Variants in B4GALT4 observed in about 807,000 individuals in gnomAD.
B4GALT4 encodes N-acetyllactosamine synthase.
A neutral mutation model predicts 37.3 loss-of-function variants in B4GALT4; 27 were observed. The ratio of observed to expected loss-of-function variants is 0.72; its 90% CI spans 0.53 to 1.00. The LOEUF is 1.00. Ranked by LOEUF, B4GALT4 falls within the 50% of genes least tolerant of loss-of-function variation. The probability of loss-of-function intolerance (pLI) is 0.00; values close to 1 mark genes in which losing one functional copy is unlikely to be tolerated. For synonymous variants in B4GALT4, 148 were observed against 154.1 expected (o/e 0.96, Z 0.29); for missense variants, 372 against 413.1 (o/e 0.90, Z 0.86).
At chr3:119,238,074 T>C (rs1326812236) in intron 1 of B4GALT4, among the ~76,000 whole-genome samples, 2 of 151,880 alleles carry the variant, frequency 1.3e-5, no homozygotes, top group African/African-American at 4.8e-5. Flanking sequence ...CAAGACCAGT[T>C]TGGCCAACAT....
intron 4 of B4GALT4, among the ~76,000 whole-genome samples, chr3:119,225,935 C>T (rs2078603268): frequency 6.6e-6 from 1 of 152,198 alleles, no homozygotes; most frequent in Non-Finnish European, 1.5e-5. Flanking sequence ...CTCAGTTTAT[C>T]ACCAAGTCTA....
At position 119,216,248 on chromosome 3, in the gene B4GALT4, G is replaced by A. The variant is rs138476114; in HGVS notation, c.894C>T (p.Asn298=). Residue 298 remains asparagine, a synonymous_variant, in exon 7 of 8, where the codon AAC becomes AAT. Transcript: ENST00000393765. The part of the protein sequence containing the change: ...FHTRDKGNEV[N]AERMKLLHQV... ...GTGAAGCCAGGACTTACCGTTCTGCGTTCACCTCATTGCCTTTGTCTCTAG... is the reference window on the plus strand; with the variant it reads ...GTGAAGCCAGGACTTACCGTTCTGCATTCACCTCATTGCCTTTGTCTCTAG... The A allele has an allele frequency of 3.2e-5, 51 of 1,611,834 alleles. No individual in the cohort carries two copies. Among genetic ancestry groups the A allele is most frequent in the African/African-American group, 9.3e-5 (7 of 74,932 alleles).
At chr3:119,233,577 A>G (rs976104313) in intron 2 of B4GALT4, among the ~76,000 whole-genome samples, 1 of 152,176 alleles carries the variant, frequency 6.6e-6, no homozygotes, top group African/African-American at 2.4e-5. Context: ...CCTGGAGCCA[A>G]TTCCTTCCAT....
Position 119,212,592 on chromosome 3 carries a change from G to A in B4GALT4, c.992C>T (p.Pro331Leu), listed in dbSNP as rs1027948260. Reference protein sequence around the residue: ...SYKLVSVEHNPLYINITVDFW... With the variant: ...SYKLVSVEHNLLYINITVDFW... ...ATCCACTGTGATGTTGATATATAAA[G>A]GATTGTGTTCCACAGATACTAATTT... Residue 331 changes from proline to leucine, a missense_variant, in exon 8 of 8, where the codon CCT becomes CTT. Coordinates refer to ENST00000393765, the MANE Select transcript of B4GALT4 (RefSeq NM_003778.4). 15 of 1,612,302 alleles carry A rather than the reference G, an allele frequency of 9.3e-6. No individual in the cohort carries two copies. Among genetic ancestry groups the A allele is most frequent in the Non-Finnish European group, 1.3e-5 (15 of 1,179,460 alleles).
intron 3 of B4GALT4, among the ~76,000 whole-genome samples, chr3:119,229,061 A>T (rs1463794347): frequency 1.3e-5 from 2 of 152,230 alleles, no homozygotes; most frequent in African/African-American, 4.8e-5. Flanking sequence ...CAACATATTT[A>T]AGAAATAAAC....
Position 119,216,222 on chromosome 3 carries a change from G to C in B4GALT4, c.902+18C>G. On this transcript the variant is annotated intron_variant, in intron 7 of 7. Coordinates refer to ENST00000393765, the MANE Select transcript of B4GALT4 (RefSeq NM_003778.4). ...GACTAGGGAGGTAGCCTGCTAGGCA[G>C]GTGAAGCCAGGACTTACCGTTCTGC... The C allele has an allele frequency of 6.3e-7, 1 of 1,587,402 alleles. No individual in the cohort carries two copies. The highest frequency in any genetic ancestry group is 1.3e-5 in the African/African-American group (1 of 74,206).
At chr3:119,234,204 G>A (rs2078915512) in intron 2 of B4GALT4, among the ~76,000 whole-genome samples, 1 of 151,698 alleles carries the variant, frequency 6.6e-6, no homozygotes, top group Non-Finnish European at 1.5e-5. Context: ...TGCAACCTCC[G>A]CCTCCCAGGT....
At position 119,213,570 on chromosome 3, in the gene B4GALT4, C is replaced by T. The variant is rs534713419; in HGVS notation, c.903-889G>A. On this transcript the variant is annotated intron_variant, in intron 7 of 7. Coordinates refer to ENST00000393765, the MANE Select transcript of B4GALT4 (RefSeq NM_003778.4). ...GGAAAACAAGAAAACCAAGAAACAGCAGAAATAACTATCATTATCACAAAT... is the reference window on the plus strand; with the variant it reads ...GGAAAACAAGAAAACCAAGAAACAGTAGAAATAACTATCATTATCACAAAT... 5 of 152,256 alleles carry T rather than the reference C, an allele frequency of 3.3e-5. No individual in the cohort carries two copies. In the South Asian group the frequency reaches 1.0e-3, roughly 32 times the overall value. 9.4% of individuals were successfully genotyped at this position (152,256 alleles called of 1,614,324 possible).
intron 6 of B4GALT4, 45 bp downstream of exon 6, chr3:119,218,605 A>C (rs879759262): frequency 1.2e-6 from 2 of 1,612,666 alleles, no homozygotes; most frequent in Non-Finnish European, 1.7e-6. Flanking sequence ...CCAGAGCCAC[A>C]CTGAGTGCAG....
intron 2 of B4GALT4, among the ~76,000 whole-genome samples, chr3:119,231,502 TA>T (rs2078814027): frequency 6.6e-6 from 1 of 152,074 alleles, no homozygotes; most frequent in African/African-American, 2.4e-5. Flanking sequence ...TTTTCTATGC[TA>T]AATAATCACA....
intron 2 of B4GALT4, among the ~76,000 whole-genome samples, chr3:119,230,965 C>G (rs904264259): frequency 6.6e-6 from 1 of 152,310 alleles, no homozygotes; most frequent in East Asian, 1.9e-4. Flanking sequence ...AGTCATTTAA[C>G]TAAGCCTCAG....
chr3:119,225,652 C>T (rs2078593048), intron 4 of B4GALT4, among the ~76,000 whole-genome samples: 1 of 151,864 alleles, frequency 6.6e-6, no homozygotes, highest in Non-Finnish European at 1.5e-5. Flanking sequence ...TAGTCTCAAA[C>T]TCCTATCCTC....
At chr3:119,221,536 C>T (rs6766503) in intron 5 of B4GALT4, among the ~76,000 whole-genome samples, 12,860 of 152,262 alleles carry the variant, frequency 0.084, 625 homozygotes, top group South Asian at 0.13. Context: ...GCAGCAAAAT[C>T]AAGTAGTCCA....
chr3:119,227,827 G>GC (rs2078672446), intron 3 of B4GALT4, among the ~76,000 whole-genome samples: 1 of 152,116 alleles, frequency 6.6e-6, no homozygotes, highest in African/African-American at 2.4e-5. Flanking sequence ...GCAGTCATAG[G>GC]CCCTTCCTGT....
At chr3:119,226,693 C>T (rs748901867) in intron 4 of B4GALT4, 116 bp downstream of exon 4, 18 of 845,292 alleles carry the variant, frequency 2.1e-5, no homozygotes, top group Non-Finnish European at 3.1e-5. Flanking sequence ...TAAGAGAACT[C>T]GTTTTTGATG....
intron 2 of B4GALT4, 125 bp from the exon 3 acceptor site, chr3:119,230,369 A>G (rs955282038): frequency 2.2e-6 from 1 of 450,912 alleles, no homozygotes; most frequent in African/African-American, 2.0e-5. Context: ...TAGGTCTTCC[A>G]CTTAGCATTT....
chr3:119,237,369 G>T (rs2079015457), intron 1 of B4GALT4, among the ~76,000 whole-genome samples: 1 of 152,202 alleles, frequency 6.6e-6, no homozygotes, highest in Non-Finnish European at 1.5e-5. Flanking sequence ...ATGCATGAAT[G>T]GCTTTTGACA....
At chr3:119,228,301 C>A (rs62265180) in intron 3 of B4GALT4, among the ~76,000 whole-genome samples, 54,659 of 151,876 alleles carry the variant, frequency 0.36, 10,662 homozygotes, top group Non-Finnish European at 0.42. Flanking sequence ...AACCTAGTAT[C>A]TGCTTCCACT....
At chr3:119,228,823 TTATAAAAAGAGCAAGA>T (rs1559928976) in intron 3 of B4GALT4, among the ~76,000 whole-genome samples, 12 of 151,712 alleles carry the variant, frequency 7.9e-5, no homozygotes, top group South Asian at 2.1e-4. Context: ...ATTAAAGCAC[TTATAAAAAGAGCAAGA>T]GGCATGAGAT....
Sources: allele counts gnomAD v4.1 joint callset (sites outside exome capture counted in the v4.1 genomes callset), GRCh38; gene constraint gnomAD v4.1.1; transcripts MANE v1.5; gene names NCBI Gene and HGNC (gene_info 2026-07-23, HGNC 2026-07-21).